SUGCT: variants seen among roughly 807,000 people sequenced by gnomAD.
The protein encoded by SUGCT is succinyl-CoA:glutarate-CoA transferase.
A neutral mutation model predicts 55.0 loss-of-function variants in SUGCT; 41 were observed. The ratio of observed to expected loss-of-function variants is 0.74; its 90% confidence interval spans 0.58 to 0.97. The LOEUF is 0.97. Ranked by LOEUF, SUGCT falls within the 50% of genes least tolerant of loss-of-function variation. SUGCT has a pLI of 0.00. For missense variants in SUGCT, 568 were observed against 547.8 expected, an observed-to-expected ratio of 1.04 and a Z score of -0.37; for synonymous variants, 187 against 200.4, an observed-to-expected ratio of 0.93 and a Z score of 0.56.
intron 12 of SUGCT, among the ~76,000 whole-genome samples, chr7:40,566,349 A>AT (rs1238210448): frequency 2.6e-5 from 4 of 152,078 alleles, no homozygotes; most frequent in African/African-American, 9.7e-5. Context: ...CTCTGCTGTT[A>AT]TTTTTACATG....
intron 12 of SUGCT, among the ~76,000 whole-genome samples, chr7:40,740,497 G>C (rs1787402529): frequency 6.6e-6 from 1 of 150,638 alleles, no homozygotes; most frequent in African/African-American, 2.4e-5. Flanking sequence ...AAATAAGAGT[G>C]GTGGGAGCAG....
chr7:40,561,704 T>C (rs1795846379), intron 12 of SUGCT, among the ~76,000 whole-genome samples: 1 of 147,482 alleles, frequency 6.8e-6, no homozygotes, highest in Non-Finnish European at 1.5e-5. Context: ...TTTTTTTTTT[T>C]TTTTTGAGAT....
intron 12 of SUGCT, among the ~76,000 whole-genome samples, chr7:40,740,113 C>T (rs1457818085): frequency 6.6e-6 from 1 of 152,078 alleles, no homozygotes; most frequent in Non-Finnish European, 1.5e-5. Context: ...CCAGCATACA[C>T]AGTCTATACA....
chr7:40,545,239 G>T (rs1465446710), intron 12 of SUGCT, among the ~76,000 whole-genome samples: 1 of 152,204 alleles, frequency 6.6e-6, no homozygotes, highest in African/African-American at 2.4e-5. Flanking sequence ...AAGAGGTGGA[G>T]TTGAAGAAAG....
chr7:40,526,888 C>A (rs978015984), intron 12 of SUGCT, among the ~76,000 whole-genome samples: 6 of 152,074 alleles, frequency 3.9e-5, no homozygotes, highest in African/African-American at 1.4e-4. Flanking sequence ...CCCTTGATGC[C>A]AGAAGATGTG....
At chr7:40,603,875 A>C (rs1167101989) in intron 12 of SUGCT, among the ~76,000 whole-genome samples, 2 of 152,192 alleles carry the variant, frequency 1.3e-5, no homozygotes, top group African/African-American at 4.8e-5. Context: ...AAATCTGCTC[A>C]TGTCATTCCC....
intron 9 of SUGCT, among the ~76,000 whole-genome samples, chr7:40,432,196 A>T (rs1787928476): frequency 6.6e-6 from 1 of 152,082 alleles, no homozygotes; most frequent in Non-Finnish European, 1.5e-5. Context: ...ATGTTGAGGA[A>T]CTTTCCTTCT....
chr7:40,959,288 C>T, the SUGCT span, among the ~76,000 whole-genome samples: 1 of 152,240 alleles, frequency 6.6e-6, no homozygotes, highest in Non-Finnish European at 1.5e-5. Flanking sequence ...CTCCCAAGTG[C>T]TCTGTCCCAG....
intron 9 of SUGCT, among the ~76,000 whole-genome samples, chr7:40,324,946 A>C (rs1271433594): frequency 6.6e-5 from 10 of 152,224 alleles, no homozygotes; most frequent in Non-Finnish European, 1.5e-4. Context: ...TGAAGAAAAC[A>C]ATTATTTACA....
intron 7 of SUGCT, among the ~76,000 whole-genome samples, chr7:40,249,205 T>C (rs543053297): frequency 2.7e-5 from 4 of 150,442 alleles, no homozygotes; most frequent in Non-Finnish European, 5.9e-5. Flanking sequence ...GGTGGGAGGA[T>C]TACTTGAGCC....
At chr7:40,907,947 T>G in the SUGCT span, among the ~76,000 whole-genome samples, 1 of 152,176 alleles carries the variant, frequency 6.6e-6, no homozygotes, top group Non-Finnish European at 1.5e-5. Flanking sequence ...GGATCCAGTT[T>G]CATTACTTAC....
At chr7:40,219,509 G>C (rs540686593) in intron 6 of SUGCT, among the ~76,000 whole-genome samples, 1 of 152,222 alleles carries the variant, frequency 6.6e-6, no homozygotes, top group African/African-American at 2.4e-5. Flanking sequence ...CCAAATGAAG[G>C]GGGGAGAAAG....
intron 1 of SUGCT, among the ~76,000 whole-genome samples, chr7:40,176,194 C>T (rs2150692963): frequency 6.6e-6 from 1 of 151,666 alleles, no homozygotes; most frequent in East Asian, 1.9e-4. Context: ...ATCACTCCAG[C>T]CTGGGTGACA....
At chr7:40,961,951 A>G in the SUGCT span, among the ~76,000 whole-genome samples, 6 of 152,176 alleles carry the variant, frequency 3.9e-5, no homozygotes, top group Non-Finnish European at 8.8e-5. Flanking sequence ...CAGCAGCAAG[A>G]TTTATTGCAA....
chr7:40,888,370 G>T, the SUGCT span, among the ~76,000 whole-genome samples: 3 of 151,476 alleles, frequency 2.0e-5, no homozygotes, highest in African/African-American at 7.3e-5. Context: ...AGAATCACTT[G>T]AACCCGGGAA....
intron 11 of SUGCT, among the ~76,000 whole-genome samples, chr7:40,492,723 C>T (rs919413856): frequency 4.6e-5 from 7 of 152,162 alleles, no homozygotes; most frequent in Non-Finnish European, 8.8e-5. Context: ...GCTCAAATAT[C>T]GCGTTGTTTT....
intron 13 of SUGCT, among the ~76,000 whole-genome samples, chr7:40,817,775 G>A (rs1459536099): frequency 6.6e-6 from 1 of 152,096 alleles, no homozygotes; most frequent in Non-Finnish European, 1.5e-5. Flanking sequence ...GTTGAAATGA[G>A]TAAATAGAGA....
At chr7:40,305,217 G>C (rs183999061) in intron 8 of SUGCT, among the ~76,000 whole-genome samples, 1 of 152,338 alleles carries the variant, frequency 6.6e-6, no homozygotes, top group Admixed American at 6.5e-5. Flanking sequence ...GCAAATTTCA[G>C]CCTGACCTTC....
intron 1 of SUGCT, among the ~76,000 whole-genome samples, chr7:40,171,025 AGTTCT>A (rs1784645515): frequency 6.6e-6 from 1 of 152,202 alleles, no homozygotes; most frequent in South Asian, 2.1e-4. Context: ...AAGATGCAAC[AGTTCT>A]TATGCAAATT....
Sources: allele counts gnomAD v4.1 joint callset (sites outside exome capture counted in the v4.1 genomes callset), GRCh38; gene constraint gnomAD v4.1.1; transcripts MANE v1.5; gene names NCBI Gene and HGNC (gene_info 2026-07-23, HGNC 2026-07-21).